PGM5: variants seen among roughly 807,000 people sequenced by gnomAD.
The protein encoded by PGM5 is phosphoglucomutase 5.
Under a neutral mutation model 59.2 loss-of-function variants are expected in PGM5, and 23 were observed. The observed-to-expected ratio is 0.39, with a 90% CI of 0.28 to 0.55. PGM5 has a LOEUF of 0.55. PGM5 is among the 20% of genes least tolerant of loss of function. PGM5 has a pLI of 0.66. For missense variants in PGM5, 574 were observed against 748.3 expected (o/e 0.77, Z 2.72); for synonymous variants, 214 against 286.0 (o/e 0.75, Z 2.54).
At chr9:68,486,003 C>A (rs1369700716) in intron 9 of PGM5, among the ~76,000 whole-genome samples, 3 of 152,144 alleles carry the variant, frequency 2.0e-5, no homozygotes, top group African/African-American at 4.8e-5. Flanking sequence ...GTTGTTGAGA[C>A]CCTCTCAGGA....
intron 8 of PGM5, among the ~76,000 whole-genome samples, chr9:68,481,319 G>A (rs1554687121): frequency 6.6e-6 from 1 of 152,180 alleles, no homozygotes; most frequent in Non-Finnish European, 1.5e-5. Flanking sequence ...CTGGGGATGT[G>A]ATAGCTTGCA....
intron 10 of PGM5, among the ~76,000 whole-genome samples, chr9:68,519,447 G>A (rs1824865853): frequency 6.6e-6 from 1 of 151,822 alleles, no homozygotes; most frequent in African/African-American, 2.4e-5. Context: ...ATAAATACTA[G>A]ACTTTGATAG....
intron 7 of PGM5, among the ~76,000 whole-genome samples, chr9:68,475,352 AT>A (rs1392481346): frequency 6.6e-6 from 1 of 151,802 alleles, no homozygotes; most frequent in Non-Finnish European, 1.5e-5. Flanking sequence ...TTAAAAATTT[AT>A]TTTTTTCTTA....
intron 6 of PGM5, among the ~76,000 whole-genome samples, chr9:68,399,883 C>T (rs1162511168): frequency 6.6e-6 from 1 of 151,988 alleles, no homozygotes; most frequent in Non-Finnish European, 1.5e-5. Flanking sequence ...AATTGTTTTT[C>T]CTGTGTTTAG....
intron 6 of PGM5, among the ~76,000 whole-genome samples, chr9:68,393,660 C>A (rs1344259323): frequency 5.3e-5 from 8 of 152,078 alleles, no homozygotes; most frequent in African/African-American, 1.7e-4. Context: ...GGATAGGAAG[C>A]AACCAGAACT....
intron 7 of PGM5, among the ~76,000 whole-genome samples, chr9:68,475,328 C>A (rs1170107071): frequency 6.6e-6 from 1 of 151,690 alleles, no homozygotes; most frequent in Non-Finnish European, 1.5e-5. Context: ...AGCCACCGTG[C>A]CTGGCTAACA....
chr9:68,465,540 C>A (rs1823920688), intron 7 of PGM5, among the ~76,000 whole-genome samples: 1 of 152,132 alleles, frequency 6.6e-6, no homozygotes, highest in African/African-American at 2.4e-5. Flanking sequence ...TTTATCTCTA[C>A]CCTCATCCGC....
Position 68,484,587 on chromosome 9 carries a change from C to G in PGM5, c.1479+539C>G, listed in dbSNP as rs547685049. Among the ~76,000 whole-genome samples, 3 of 142,510 alleles carry G rather than the reference C, an allele frequency of 2.1e-5. No individual in the cohort carries two copies. In the East Asian group the frequency reaches 6.1e-4, roughly 29 times the overall value. The allele number at this position is 142,510 out of a possible 152,430, so 93.5% of individuals were successfully genotyped here. On this transcript the variant is annotated intron_variant, in intron 9 of 10. Transcript: ENST00000396396. ...ACACACACACACACACAAAACAAAA[C>G]AAACAAAAAACAAAAAAAAAAACAA... is the stretch of plus-strand genomic sequence containing the variant.
At chr9:68,403,677 C>T (rs535328834) in intron 6 of PGM5, among the ~76,000 whole-genome samples, 1 of 152,276 alleles carries the variant, frequency 6.6e-6, no homozygotes, top group African/African-American at 2.4e-5. Flanking sequence ...ACCAGATTAT[C>T]TGGCTCAAGC....
chr9:68,479,700 C>T, intron 8 of PGM5, 147 bp downstream of exon 8: 1 of 619,012 alleles, frequency 1.6e-6, no homozygotes. Context: ...TTTGGGAGGC[C>T]GAGGTGGGCG....
chr9:68,456,491 T>G (rs1823779388), intron 6 of PGM5, among the ~76,000 whole-genome samples: 1 of 151,238 alleles, frequency 6.6e-6, no homozygotes, highest in Admixed American at 6.6e-5. Flanking sequence ...TTTTTTTTTT[T>G]TGTATTTTTA....
chr9:68,360,319 A>G (rs1410452494), intron 1 of PGM5, among the ~76,000 whole-genome samples: 1 of 151,162 alleles, frequency 6.6e-6, no homozygotes, highest in African/African-American at 2.4e-5. Context: ...TATAATATCA[A>G]AAACATAAAA....
intron 9 of PGM5, chr9:68,498,958 C>G (rs1320861900): frequency 7.6e-6 from 3 of 392,962 alleles, no homozygotes; most frequent in Admixed American, 4.0e-5. Context: ...TATCACCAGC[C>G]CAAGAGAACT....
At chr9:68,364,648 C>T in intron 1 of PGM5, among the ~76,000 whole-genome samples, 1 of 152,198 alleles carries the variant, frequency 6.6e-6, no homozygotes, top group East Asian at 1.9e-4. Flanking sequence ...CTTTCTGAAT[C>T]CCCATCCCCA....
chr9:68,434,331 A>AG (rs1364154685), intron 6 of PGM5, among the ~76,000 whole-genome samples: 1 of 136,244 alleles, frequency 7.3e-6, no homozygotes, highest in Non-Finnish European at 1.5e-5. Flanking sequence ...AAAAAAAAAA[A>AG]AAAAAAAAGA....
intron 6 of PGM5, chr9:68,428,438 T>G (rs1823283169): frequency 6.6e-6 from 1 of 152,238 alleles, no homozygotes; most frequent in African/African-American, 2.4e-5. Context: ...AAATTTGTAT[T>G]GATGAGCAAA....
chr9:68,424,214 A>C (rs1237601607), intron 6 of PGM5, among the ~76,000 whole-genome samples: 7 of 152,192 alleles, frequency 4.6e-5, no homozygotes, highest in African/African-American at 7.2e-5. Flanking sequence ...AAAGTGTTTC[A>C]TGGAACACCC....
Position 68,436,805 on chromosome 9 carries a change from T to C in PGM5, c.1044-28288T>C, listed in dbSNP as rs1030630086. ...AAGATGAAACCAGAGCTCAAGGTCA[T>C]GTTTTAGTAAAGTGAAGGTTGTGGA... On this transcript the variant is annotated intron_variant, in intron 6 of 10. Coordinates refer to ENST00000396396, the MANE Select transcript of PGM5 (RefSeq NM_021965.4). Among the ~76,000 whole-genome samples, 3 of 152,354 alleles carry C rather than the reference T, an allele frequency of 2.0e-5. No individual in the cohort carries two copies. The East Asian group carries it at 5.8e-4, about 29-fold the overall frequency.
intron 6 of PGM5, among the ~76,000 whole-genome samples, chr9:68,448,843 G>A (rs1823653185): frequency 6.6e-6 from 1 of 152,206 alleles, no homozygotes; most frequent in African/African-American, 2.4e-5. Flanking sequence ...TGCTCTAGGT[G>A]CTATGGGACA....
Sources: allele counts gnomAD v4.1 joint callset (sites outside exome capture counted in the v4.1 genomes callset), GRCh38; gene constraint gnomAD v4.1.1; transcripts MANE v1.5; gene names NCBI Gene and HGNC (gene_info 2026-07-23, HGNC 2026-07-21).